Variants in EFNA5 observed in about 807,000 individuals in gnomAD.
The protein encoded by EFNA5 is ephrin A5.
Under a neutral mutation model 22.9 loss-of-function variants are expected in EFNA5, and 5 were observed. The observed-to-expected ratio is 0.22, with a 90% CI of 0.11 to 0.46. The LOEUF (loss-of-function observed/expected upper bound fraction) is 0.46, where lower values mean the gene tolerates loss of function less well. Ranked by LOEUF, EFNA5 falls within the 20% of genes least tolerant of loss-of-function variation. The probability of loss-of-function intolerance (pLI) is 0.99; values close to 1 mark genes in which losing one functional copy is unlikely to be tolerated. For synonymous variants in EFNA5, 113 were observed against 112.2 expected (o/e 1.01, Z -0.04); for missense variants, 237 against 293.3 (o/e 0.81, Z 1.40).
At chr5:107,569,567 A>ATATATATATATATATATATATATATATT (rs1748746211) in intron 1 of EFNA5, among the ~76,000 whole-genome samples, 12 of 21,324 alleles carry the variant, frequency 5.6e-4, no homozygotes, top group Non-Finnish European at 1.6e-3. Context: ...ATTTATATAT[A>ATATATATATATATATATATATATATATT]TATATATATA....
intron 2 of EFNA5, among the ~76,000 whole-genome samples, chr5:107,421,861 A>C (rs1175057430): frequency 6.6e-6 from 1 of 150,986 alleles, no homozygotes; most frequent in East Asian, 2.0e-4. Flanking sequence ...GAGCGATCCC[A>C]GCTCACTGCA....
intron 1 of EFNA5, among the ~76,000 whole-genome samples, chr5:107,545,921 A>T (rs1291809587): frequency 6.6e-6 from 1 of 152,142 alleles, no homozygotes; most frequent in Non-Finnish European, 1.5e-5. Flanking sequence ...TGTCTGTAGC[A>T]GTTTGAAAAC....
rs567189685 is a variant in EFNA5 at position 107,605,120 on chromosome 5, C to T, written c.125+65369G>A. Among the ~76,000 whole-genome samples, 7 of 142,398 alleles carry T rather than the reference C, an allele frequency of 4.9e-5. No homozygotes were observed. In the South Asian group the frequency reaches 8.9e-4, roughly 18 times the overall value. The allele number at this position is 142,398 out of a possible 152,430, so 93.4% of individuals were successfully genotyped here. On this transcript the variant is annotated intron_variant, in intron 1 of 4. Coordinates refer to ENST00000333274, the MANE Select transcript of EFNA5 (RefSeq NM_001962.3). ...AAGCCATGTGGGACAAATTAGGTGC[C>T]GCTGCAAGATTTAAAAGCTCGGGGG...
At chr5:107,472,973 T>C (rs1750184976) in intron 1 of EFNA5, among the ~76,000 whole-genome samples, 1 of 152,180 alleles carries the variant, frequency 6.6e-6, no homozygotes. Flanking sequence ...CTCAACACTG[T>C]AAATGGAGCC....
intron 2 of EFNA5, among the ~76,000 whole-genome samples, chr5:107,412,137 T>C (rs1388158536): frequency 6.6e-6 from 1 of 152,176 alleles, no homozygotes; most frequent in East Asian, 1.9e-4. Flanking sequence ...ATTTTAAAAA[T>C]ATAGATTGGG....
At chr5:107,444,157 C>T (rs1213408774) in intron 1 of EFNA5, among the ~76,000 whole-genome samples, 1 of 152,174 alleles carries the variant, frequency 6.6e-6, no homozygotes. Context: ...AATATACTTG[C>T]ATTTTCTCAT....
At chr5:107,465,259 A>G (rs976492983) in intron 1 of EFNA5, among the ~76,000 whole-genome samples, 5 of 152,164 alleles carry the variant, frequency 3.3e-5, no homozygotes, top group Admixed American at 1.3e-4. Context: ...TGCATACTGG[A>G]AAGAGTGAAC....
intron 1 of EFNA5, among the ~76,000 whole-genome samples, chr5:107,468,490 T>C (rs993970761): frequency 2.0e-5 from 3 of 152,178 alleles, no homozygotes; most frequent in East Asian, 1.9e-4. Flanking sequence ...GCAGCAATCA[T>C]TGAAACGTCC....
chr5:107,501,299 A>G (rs963786655), intron 1 of EFNA5, among the ~76,000 whole-genome samples: 1 of 152,214 alleles, frequency 6.6e-6, no homozygotes, highest in Non-Finnish European at 1.5e-5. Flanking sequence ...CCTCCTGCAC[A>G]ACACAACATC....
At chr5:107,570,331 G>A (rs770471191) in intron 1 of EFNA5, among the ~76,000 whole-genome samples, 16 of 152,124 alleles carry the variant, frequency 1.1e-4, no homozygotes, top group South Asian at 2.1e-4. Flanking sequence ...TGATTCCCAC[G>A]TTCTGCTGCC....
intron 1 of EFNA5, among the ~76,000 whole-genome samples, chr5:107,665,746 TAA>T (rs1751052892): frequency 6.6e-6 from 1 of 152,186 alleles, no homozygotes; most frequent in Non-Finnish European, 1.5e-5. Flanking sequence ...TCTTAGTAGC[TAA>T]CTCTGCTTTT....
intron 1 of EFNA5, among the ~76,000 whole-genome samples, chr5:107,509,235 T>A (rs1181393289): frequency 6.6e-6 from 1 of 152,166 alleles, no homozygotes; most frequent in Non-Finnish European, 1.5e-5. Context: ...TTTTACAGAC[T>A]CTTTAAGATG....
chr5:107,502,743 C>A (rs1410497514), intron 1 of EFNA5, among the ~76,000 whole-genome samples: 1 of 152,172 alleles, frequency 6.6e-6, no homozygotes, highest in Non-Finnish European at 1.5e-5. Context: ...GAGAGCACTT[C>A]TCATTGCCTC....
chr5:107,631,256 A>AACACACACACACAC (rs10616989), intron 1 of EFNA5, among the ~76,000 whole-genome samples: 63 of 145,756 alleles, frequency 4.3e-4, no homozygotes, highest in African/African-American at 1.4e-3. Context: ...CCTGACTACA[A>AACACACACACACAC]ACACACACAC....
intron 1 of EFNA5, among the ~76,000 whole-genome samples, chr5:107,539,976 T>A (rs1197621465): frequency 6.6e-6 from 1 of 152,166 alleles, no homozygotes; most frequent in African/African-American, 2.4e-5. Flanking sequence ...CATGTAGGGA[T>A]CCATAAGGTG....
chr5:107,570,258 T>C (rs1748773677), intron 1 of EFNA5, among the ~76,000 whole-genome samples: 2 of 152,242 alleles, frequency 1.3e-5, no homozygotes, highest in South Asian at 2.1e-4. Context: ...TCCAAACCCA[T>C]TGCATGTAAT....
At chr5:107,478,507 T>C (rs1383893431) in intron 1 of EFNA5, among the ~76,000 whole-genome samples, 2 of 152,182 alleles carry the variant, frequency 1.3e-5, no homozygotes, top group African/African-American at 4.8e-5. Context: ...GCATAATGGA[T>C]GCAGCCATAG....
In EFNA5 at chr5:107,641,280, C is replaced by A. The variant is rs542003438; in HGVS notation, c.125+29209G>T. ...GGCTGAGGAGCAGGAATCACTTGAA[C>A]CCAGGAGGCAAAGGTTACAGTGAGC... On this transcript the variant is annotated intron_variant, in intron 1 of 4. Coordinates refer to ENST00000333274, the MANE Select transcript of EFNA5 (RefSeq NM_001962.3). 1.3e-3 allele frequency among the ~76,000 whole-genome samples: 190 copies of A among 151,766 alleles called. 1 individual carries two copies. Among genetic ancestry groups the A allele is most frequent in the Non-Finnish European group, 2.4e-3 (165 of 67,952 alleles).
intron 1 of EFNA5, among the ~76,000 whole-genome samples, chr5:107,653,351 G>A (rs1406178348): frequency 6.6e-6 from 1 of 152,098 alleles, no homozygotes; most frequent in Non-Finnish European, 1.5e-5. Flanking sequence ...TGGCTTTGTA[G>A]TCAGCTTCCC....
Sources: gnomAD v4.1 joint callset for allele counts (sites outside exome capture counted in the v4.1 genomes callset) on GRCh38, gnomAD v4.1.1 for gene constraint, MANE v1.5 for transcripts, NCBI Gene and HGNC (gene_info 2026-07-23, HGNC 2026-07-21) for gene names.